The following KAZN variants were observed in gnomAD, a reference collection of about 807,000 sequenced individuals.
KAZN encodes the protein kazrin, periplakin interacting protein.
In KAZN, 40 loss-of-function variants were observed where a neutral mutation model predicts 87.4. The ratio of observed to expected loss-of-function variants is 0.46; its 90% CI spans 0.36 to 0.60. The LOEUF is 0.60. Among genes scored for constraint, KAZN ranks in the 20% least tolerant of loss-of-function variants. The pLI is 0.00. For synonymous variants in KAZN, 466 were observed against 458.3 expected (o/e 1.02, Z -0.22); for missense variants, 898 against 1,073.9 (o/e 0.84, Z 2.29).
intron 2 of KAZN, among the ~76,000 whole-genome samples, chr1:14,258,859 A>C (rs1650782313): frequency 6.6e-6 from 1 of 152,148 alleles, no homozygotes; most frequent in Non-Finnish European, 1.5e-5. Flanking sequence ...GAAGTAAGAG[A>C]AGCTCACCTT....
In KAZN at chr1:15,034,746, C is replaced by T. The variant is rs773123147; in HGVS notation, c.419-3C>T. ...GGGAACTAACTCTCTCCTTTATCCC[C>T]AGCCATGAAAGCTGATCGGAAGCGC... On this transcript the variant is annotated splice_polypyrimidine_tract_variant and splice_region_variant and intron_variant, in intron 2 of 14. Coordinates refer to ENST00000376030, the MANE Select transcript of KAZN (RefSeq NM_201628.3). The T allele has an allele frequency of 8.7e-6, 14 of 1,614,042 alleles. No individual in the cohort carries two copies. Among genetic ancestry groups the T allele is most frequent in the Non-Finnish European group, 1.2e-5 (14 of 1,180,020 alleles).
chr1:14,670,547 C>G (rs371055182), intron 1 of KAZN, among the ~76,000 whole-genome samples: 3 of 152,130 alleles, frequency 2.0e-5, no homozygotes, highest in Non-Finnish European at 4.4e-5. Flanking sequence ...GTGAAAGCCC[C>G]GGATACCATG....
chr1:14,258,731 C>G (rs1257408360), intron 2 of KAZN, among the ~76,000 whole-genome samples: 1 of 152,190 alleles, frequency 6.6e-6, no homozygotes, highest in Admixed American at 6.5e-5. Context: ...TAAGTCCCAG[C>G]TCTGCCTGCT....
chr1:15,028,068 C>T (rs1411479418), intron 2 of KAZN, among the ~76,000 whole-genome samples: 2 of 152,126 alleles, frequency 1.3e-5, no homozygotes, highest in Admixed American at 6.5e-5. Flanking sequence ...CTCGGTCTTT[C>T]GCCTGGGAGG....
At chr1:14,528,366 GAAAA>G (rs1214491649) in intron 2 of KAZN, among the ~76,000 whole-genome samples, 2 of 117,750 alleles carry the variant, frequency 1.7e-5, no homozygotes, top group African/African-American at 3.1e-5. Context: ...AAAAAAGAAA[GAAAA>G]AAAGGAAAAT....
intron 2 of KAZN, among the ~76,000 whole-genome samples, chr1:14,183,650 A>G (rs1329631643): frequency 6.6e-6 from 1 of 152,144 alleles, no homozygotes; most frequent in African/African-American, 2.4e-5. Context: ...GTGACTCCGC[A>G]TGCTAAGAGG....
intron 1 of KAZN, among the ~76,000 whole-genome samples, chr1:14,952,283 GCAAA>G (rs1662588644): frequency 8.6e-6 from 1 of 116,364 alleles, no homozygotes; most frequent in African/African-American, 4.3e-5. Context: ...TGTGTCTCAA[GCAAA>G]CACACTAGTG....
intron 1 of KAZN, among the ~76,000 whole-genome samples, chr1:14,645,877 G>A (rs1435730043): frequency 1.3e-5 from 2 of 152,226 alleles, no homozygotes; most frequent in African/African-American, 2.4e-5. Context: ...GATGTTGGCT[G>A]TGGATTTGTC....
At chr1:14,047,766 G>A (rs1642138673) in intron 1 of KAZN, among the ~76,000 whole-genome samples, 1 of 151,996 alleles carries the variant, frequency 6.6e-6, no homozygotes, top group Admixed American at 6.6e-5. Flanking sequence ...TACTTGGGAG[G>A]CTGAAGCAAG....
At chr1:14,408,462 G>A (rs1664046325) in intron 2 of KAZN, among the ~76,000 whole-genome samples, 1 of 152,290 alleles carries the variant, frequency 6.6e-6, no homozygotes, top group East Asian at 1.9e-4. Context: ...GCCACAGGCT[G>A]GGTGGTTTAA....
chr1:13,960,316 A>C (rs1478187008), intron 1 of KAZN, among the ~76,000 whole-genome samples: 1 of 152,206 alleles, frequency 6.6e-6, no homozygotes, highest in East Asian at 1.9e-4. Context: ...TTCGCCCAAC[A>C]TCACACAGGC....
At chr1:14,266,359 A>T (rs1214709922) in intron 2 of KAZN, among the ~76,000 whole-genome samples, 1 of 152,212 alleles carries the variant, frequency 6.6e-6, no homozygotes, top group Non-Finnish European at 1.5e-5. Flanking sequence ...TCCTCAGATT[A>T]GCCATCTGCA....
intron 2 of KAZN, among the ~76,000 whole-genome samples, chr1:14,216,775 G>A (rs1390262913): frequency 1.3e-5 from 2 of 151,942 alleles, no homozygotes; most frequent in Non-Finnish European, 2.9e-5. Flanking sequence ...GTGGTGGTGG[G>A]AGCCTGTAAT....
intron 1 of KAZN, among the ~76,000 whole-genome samples, chr1:14,786,661 T>G (rs1645516911): frequency 6.6e-6 from 1 of 152,250 alleles, no homozygotes; most frequent in African/African-American, 2.4e-5. Context: ...TCACTTGCTC[T>G]CTTTCCCGAC....
At chr1:14,301,917 G>A (rs1438325048) in intron 2 of KAZN, among the ~76,000 whole-genome samples, 2 of 151,906 alleles carry the variant, frequency 1.3e-5, no homozygotes, top group Admixed American at 1.3e-4. Context: ...ACATCACCTT[G>A]TTTTCCCTTT....
At chr1:14,839,588 T>C (rs72638326) in intron 1 of KAZN, among the ~76,000 whole-genome samples, 80 of 152,324 alleles carry the variant, frequency 5.3e-4, no homozygotes, top group Non-Finnish European at 1.1e-3. Flanking sequence ...CCTGTCTCTC[T>C]ATTCTGACGG....
intron 1 of KAZN, among the ~76,000 whole-genome samples, chr1:14,024,457 T>C (rs1243283261): frequency 1.3e-5 from 2 of 152,254 alleles, no homozygotes; most frequent in Admixed American, 6.5e-5. Flanking sequence ...GCAGTCAGGC[T>C]ACTGTTTCTT....
intron 1 of KAZN, among the ~76,000 whole-genome samples, chr1:14,624,144 C>T (rs569462379): frequency 2.0e-5 from 3 of 152,232 alleles, no homozygotes; most frequent in South Asian, 2.1e-4. Flanking sequence ...AAAACCAGGC[C>T]GGGCACAGTG....
At chr1:14,460,648 C>T (rs1354759760) in intron 2 of KAZN, among the ~76,000 whole-genome samples, 5 of 152,146 alleles carry the variant, frequency 3.3e-5, no homozygotes, top group African/African-American at 1.2e-4. Flanking sequence ...GTCTGGGATA[C>T]CCCATCATCC....
Sources: allele counts gnomAD v4.1 joint callset (sites outside exome capture counted in the v4.1 genomes callset), GRCh38; gene constraint gnomAD v4.1.1; transcripts MANE v1.5; gene names NCBI Gene and HGNC (gene_info 2026-07-23, HGNC 2026-07-21).